The following DIPK2B variants were observed in gnomAD, a reference collection of about 807,000 sequenced individuals.
The protein encoded by DIPK2B is divergent protein kinase domain 2B.
DIPK2B carries 15 observed loss-of-function variants against 22.2 expected under a neutral mutation model. The ratio of observed to expected loss-of-function variants is 0.68; its 90% CI spans 0.45 to 1.04. The LOEUF (loss-of-function observed/expected upper bound fraction) is 1.04. Among genes scored for constraint, DIPK2B ranks in the 50% least tolerant of loss-of-function variants. The pLI, the probability that DIPK2B is intolerant of heterozygous loss-of-function variation, is 0.00. For missense variants in DIPK2B, 345 were observed against 348.3 expected, an observed-to-expected ratio of 0.99 and a Z score of 0.08; for synonymous variants, 163 against 153.2, an observed-to-expected ratio of 1.06 and a Z score of -0.47.
At chrX:45,173,222 T>C (rs964463383) in intron 2 of DIPK2B, among the ~76,000 whole-genome samples, 4 of 112,171 alleles carry the variant, frequency 3.6e-5, no homozygotes, top group African/African-American at 6.5e-5. Context: ...TTTCTTTGCA[T>C]ATCCCTTGGT....
At chrX:45,160,125 C>G (rs1373473182) in intron 2 of DIPK2B, among the ~76,000 whole-genome samples, 1 of 110,082 alleles carries the variant, frequency 9.1e-6, no homozygotes, top group African/African-American at 3.3e-5. Flanking sequence ...TGAGGCCTCC[C>G]CAGCCATGCT....
At chrX:45,180,207 A>G (rs980383160) in intron 2 of DIPK2B, among the ~76,000 whole-genome samples, 1 of 112,111 alleles carries the variant, frequency 8.9e-6, no homozygotes, top group Non-Finnish European at 1.9e-5. Context: ...AAAGGGGGGA[A>G]CAACAAATCA....
chrX:45,160,994 C>A (rs192091985), intron 2 of DIPK2B, among the ~76,000 whole-genome samples: 25 of 111,709 alleles, frequency 2.2e-4, no homozygotes, highest in African/African-American at 6.8e-4. Context: ...GATAATGCGA[C>A]TAGGTACCAG....
intron 2 of DIPK2B, among the ~76,000 whole-genome samples, chrX:45,168,118 A>G (rs756485039): frequency 1.8e-5 from 2 of 112,842 alleles, no homozygotes; most frequent in East Asian, 5.6e-4. Flanking sequence ...AGGAAAATCT[A>G]AGTAGATAGC....
At chrX:45,200,381 G>T (rs1157579786) in intron 1 of DIPK2B, among the ~76,000 whole-genome samples, 1 of 112,096 alleles carries the variant, frequency 8.9e-6, no homozygotes, top group African/African-American at 3.2e-5. Context: ...AGTTCAAAAG[G>T]AAATGTTGGA....
intron 2 of DIPK2B, among the ~76,000 whole-genome samples, chrX:45,190,815 C>T (rs1285822402): frequency 8.9e-6 from 1 of 112,314 alleles, no homozygotes; most frequent in Non-Finnish European, 1.9e-5. Flanking sequence ...AAAAGATGTA[C>T]CTGGCAGGTT....
At chrX:45,189,027 T>C (rs1011469156) in intron 2 of DIPK2B, among the ~76,000 whole-genome samples, 8 of 112,401 alleles carry the variant, frequency 7.1e-5, no homozygotes, top group Admixed American at 1.9e-4. Context: ...CTTTTGGCTA[T>C]TATGAATAGT....
At chrX:45,157,419 G>T (rs1240376251) in intron 3 of DIPK2B, among the ~76,000 whole-genome samples, 1 of 111,470 alleles carries the variant, frequency 9.0e-6, no homozygotes, top group Non-Finnish European at 1.9e-5. Context: ...AATCTTTGAG[G>T]CACAGGTCAA....
At chrX:45,196,297 G>GTGGA (rs1437951662) in intron 1 of DIPK2B, among the ~76,000 whole-genome samples, 2 of 111,477 alleles carry the variant, frequency 1.8e-5, no homozygotes, top group Non-Finnish European at 3.8e-5. Context: ...TGGATGGATG[G>GTGGA]TGGATGGATG....
At chrX:45,194,264 T>TG (rs2047227167) in intron 1 of DIPK2B, among the ~76,000 whole-genome samples, 1 of 98,290 alleles carries the variant, frequency 1.0e-5, no homozygotes, top group African/African-American at 3.4e-5. Context: ...AATTTTTTTT[T>TG]TTTGAGAGAG....
chrX:45,151,540 G>T lies in DIPK2B; in HGVS notation c.*112C>A. On this transcript the variant is annotated 3_prime_UTR_variant, in exon 5 of 5. Coordinates refer to ENST00000398000, the MANE Select transcript of DIPK2B (RefSeq NM_176819.4). ...CTCTCAGTCCCTAAGAAATGAGTGTGCCTTTCTTCTCATCTTTAAAAAAGA... is the reference window on the plus strand; with the variant it reads ...CTCTCAGTCCCTAAGAAATGAGTGTTCCTTTCTTCTCATCTTTAAAAAAGA... 1.4e-6 allele frequency: 1 copy of T among 728,782 alleles called. No individual in the cohort carries two copies. The highest frequency in any genetic ancestry group is 2.0e-6 in the Non-Finnish European group (1 of 494,231). The allele number at this position is 728,782 out of a possible 1,213,427, so 60.1% of individuals were successfully genotyped here.
chrX:45,151,536 G>T lies in DIPK2B; in HGVS notation c.*116C>A. On this transcript the variant is annotated 3_prime_UTR_variant, in exon 5 of 5. Transcript: ENST00000398000. ...TCCCCTCTCAGTCCCTAAGAAATGA[G>T]TGTGCCTTTCTTCTCATCTTTAAAA... 1 of 720,144 alleles carries T rather than the reference G, an allele frequency of 1.4e-6. No individual in the cohort carries two copies. Among genetic ancestry groups the T allele is most frequent in the Non-Finnish European group, 2.0e-6 (1 of 488,496 alleles). The allele number at this position is 720,144 out of a possible 1,213,427, so 59.3% of individuals were successfully genotyped here.
Position 45,200,789 on chromosome X carries a change from C to T in DIPK2B, c.38G>A (p.Arg13His), listed in dbSNP as rs759687156. ...CAGCAGCAGGGCCAGCCAGCCAGGG[C>T]GGAGGGCGGCAGCCTCAGGCCCCAG... is the stretch of plus-strand genomic sequence containing the variant. Reference protein sequence around the residue: ...PQLGPEAAALRPGWLALLLWV... With the variant: ...PQLGPEAAALHPGWLALLLWV... The change falls in exon 1 of 5, where the codon CGC (arginine) becomes CAC (histidine). Residue 13 changes from arginine (R) to histidine (H), a missense_variant. By Grantham distance (29) the Arg-to-His change is conservative. Transcript: ENST00000398000. The T allele has an allele frequency of 8.3e-7, 1 of 1,201,768 alleles. No individual in the cohort carries two copies. Among genetic ancestry groups the T allele is most frequent in the Non-Finnish European group, 1.1e-6 (1 of 890,079 alleles).
rs34281975 is a variant in DIPK2B at position 45,153,474 on chromosome X, TTGTGTG to T, written c.961+430_961+435del. ...TGAGTGGGAGATGGACCCAAAAGTT[TTGTGTG>T]TGTGTGTGTGTGTGTGTGTGTGTGT... On this transcript the variant is annotated intron_variant, in intron 4 of 4. Transcript: ENST00000398000. Among the ~76,000 whole-genome samples the T allele has an allele frequency of 7.5e-3, 554 of 73,844 alleles. 10 individuals are homozygous for T. Among genetic ancestry groups the T allele is most frequent in the African/African-American group, 0.021 (401 of 19,208 alleles). 64.1% of individuals were successfully genotyped at this position (73,844 alleles called of 115,157 possible). A position where few individuals can be genotyped will look rare whatever the true frequency, so the allele number is the denominator to read the frequency against.
intron 1 of DIPK2B, 70 bp from the exon 2 acceptor site, chrX:45,192,085 A>T (rs1296197285): frequency 2.9e-6 from 3 of 1,027,919 alleles, no homozygotes; most frequent in Non-Finnish European, 3.9e-6. Flanking sequence ...GGACAGGAAG[A>T]CAGGGGACAA....
At chrX:45,177,506 T>C (rs1053780243) in intron 2 of DIPK2B, among the ~76,000 whole-genome samples, 3 of 108,987 alleles carry the variant, frequency 2.8e-5, no homozygotes, top group Non-Finnish European at 3.8e-5. Flanking sequence ...TCCCTCTCTC[T>C]TGCTCCCTCT....
At chrX:45,176,429 T>A (rs949837237) in intron 2 of DIPK2B, among the ~76,000 whole-genome samples, 14 of 112,210 alleles carry the variant, frequency 1.2e-4, no homozygotes, top group African/African-American at 4.5e-4. Context: ...TCATTTATAT[T>A]CTACAGTCCC....
At chrX:45,171,698 C>A (rs767723782) in intron 2 of DIPK2B, among the ~76,000 whole-genome samples, 3 of 112,457 alleles carry the variant, frequency 2.7e-5, no homozygotes, top group Non-Finnish European at 3.8e-5. Context: ...TTAGGCCACA[C>A]CCCCTCCAGG....
At chrX:45,192,060 G>A (rs1258398471) in intron 1 of DIPK2B, 45 bp from the exon 2 acceptor site, 2 of 1,136,590 alleles carry the variant, frequency 1.8e-6, no homozygotes, top group East Asian at 6.2e-5. Context: ...TGAGCTGGAG[G>A]CTCACAGAGC....
Sources: gnomAD v4.1 joint callset for allele counts (sites outside exome capture counted in the v4.1 genomes callset) on GRCh38, gnomAD v4.1.1 for gene constraint, MANE v1.5 for transcripts, NCBI Gene and HGNC (gene_info 2026-07-23, HGNC 2026-07-21) for gene names.